Variants in OR9Q1 observed in about 807,000 individuals in gnomAD.
OR9Q1 encodes olfactory receptor family 9 subfamily Q member 1, also known as olfactory receptor 9Q1.
For synonymous variants in OR9Q1, 153 were observed against 148.6 expected, an observed-to-expected ratio of 1.03 and a Z score of -0.22; for missense variants, 374 against 378.8, an observed-to-expected ratio of 0.99 and a Z score of 0.11.
At chr11:58,076,049 C>A (rs1853536161) in intron 2 of OR9Q1, among the ~76,000 whole-genome samples, 1 of 152,192 alleles carries the variant, frequency 6.6e-6, no homozygotes, top group Non-Finnish European at 1.5e-5. Context: ...TGCTTTCTCA[C>A]TAGAATGGCA....
chr11:58,031,644 AC>A (rs1853040652), intron 1 of OR9Q1: 3 of 1,613,688 alleles, frequency 1.9e-6, no homozygotes, highest in Non-Finnish European at 2.5e-6. Flanking sequence ...ACACTGCTGC[AC>A]ATCCGCTCAG....
At chr11:58,141,410 T>G (rs1386189723) in intron 2 of OR9Q1, among the ~76,000 whole-genome samples, 6 of 152,210 alleles carry the variant, frequency 3.9e-5, no homozygotes, top group Admixed American at 3.3e-4. Flanking sequence ...CCTAATTTAT[T>G]GAGAGGTTTT....
chr11:58,031,265 C>G (rs1264534083), intron 1 of OR9Q1: 8 of 1,614,022 alleles, frequency 5.0e-6, no homozygotes, highest in Admixed American at 1.7e-5. Context: ...CCTATCCCAG[C>G]TCTTCATCTT....
chr11:58,053,612 AATAT>A (rs138801860), intron 1 of OR9Q1, among the ~76,000 whole-genome samples: 3 of 94,756 alleles, frequency 3.2e-5, no homozygotes, highest in East Asian at 6.8e-4. Context: ...AAAATTAAAA[AATAT>A]ATATATATAT....
chr11:58,149,054 T>C (rs1854326209), intron 2 of OR9Q1, among the ~76,000 whole-genome samples: 1 of 152,162 alleles, frequency 6.6e-6, no homozygotes, highest in African/African-American at 2.4e-5. Flanking sequence ...ATTTAAAACA[T>C]AATAGTGAAA....
At chr11:58,154,104 AGGAAGGAGGAGGG>A (rs1339083568) in intron 2 of OR9Q1, among the ~76,000 whole-genome samples, 2 of 150,536 alleles carry the variant, frequency 1.3e-5, no homozygotes, top group Non-Finnish European at 3.0e-5. Context: ...GAAGGGGAGG[AGGAAGGAGGAGGG>A]GGAAGGAGGA....
At chr11:58,059,118 C>T (rs1123306) in intron 2 of OR9Q1, among the ~76,000 whole-genome samples, 101,402 of 151,968 alleles carry the variant, frequency 0.67, 34,259 homozygotes, top group Middle Eastern at 0.79. Context: ...CCAGGTCCTT[C>T]GAAAGCCTGT....
At chr11:58,143,828 G>A (rs1441000087) in intron 2 of OR9Q1, among the ~76,000 whole-genome samples, 6 of 151,850 alleles carry the variant, frequency 4.0e-5, no homozygotes, top group Non-Finnish European at 1.5e-5. Flanking sequence ...TAACAAGCTG[G>A]CACATCCTGC....
At chr11:58,031,549 G>C in intron 1 of OR9Q1, 2 of 1,614,072 alleles carry the variant, frequency 1.2e-6, no homozygotes, top group Middle Eastern at 3.3e-4. Context: ...TCACTTGGAA[G>C]GAGACTGTGG....
chr11:58,063,394 A>G (rs1423174154), intron 2 of OR9Q1, among the ~76,000 whole-genome samples: 1 of 152,164 alleles, frequency 6.6e-6, no homozygotes. Flanking sequence ...TAAGCCAGGC[A>G]TTTTTCTAAA....
At chr11:58,068,952 C>T (rs1853460872) in intron 2 of OR9Q1, among the ~76,000 whole-genome samples, 1 of 152,094 alleles carries the variant, frequency 6.6e-6, no homozygotes, top group Admixed American at 6.6e-5. Context: ...CATGCCAGCC[C>T]CGAGAACATG....
intron 2 of OR9Q1, among the ~76,000 whole-genome samples, chr11:58,150,200 A>G (rs1854337032): frequency 6.6e-6 from 1 of 152,184 alleles, no homozygotes; most frequent in South Asian, 2.1e-4. Context: ...GAATTGCATT[A>G]CCTAATTACT....
intron 2 of OR9Q1, among the ~76,000 whole-genome samples, chr11:58,092,800 T>G (rs1227046678): frequency 2.6e-5 from 4 of 152,200 alleles, no homozygotes; most frequent in East Asian, 1.9e-4. Flanking sequence ...TAAAGATTTC[T>G]AACTGATTTT....
intron 2 of OR9Q1, among the ~76,000 whole-genome samples, chr11:58,124,182 G>A (rs1291423479): frequency 6.6e-6 from 1 of 152,074 alleles, no homozygotes; most frequent in Non-Finnish European, 1.5e-5. Context: ...GCTTGGGTGA[G>A]GCCAAGAGTA....
At chr11:58,031,993 T>A in intron 1 of OR9Q1, 1 of 717,000 alleles carries the variant, frequency 1.4e-6, no homozygotes, top group Non-Finnish European at 2.3e-6. Flanking sequence ...AAATCAAGAA[T>A]GCAGTTCCAT....
intron 1 of OR9Q1, among the ~76,000 whole-genome samples, chr11:58,024,983 C>T (rs981503847): frequency 6.6e-6 from 1 of 152,158 alleles, no homozygotes; most frequent in African/African-American, 2.4e-5. Context: ...CTTCTCTGTG[C>T]CATGTAGTTC....
rs756411128 is a variant in OR9Q1, at chr11:58,118,936, T to C, written c.-14-60495T>C. 11 of 1,613,880 alleles carry C rather than the reference T, an allele frequency of 6.8e-6. No individual in the cohort carries two copies. In the South Asian group the frequency reaches 1.2e-4, roughly 18 times the overall value. On this transcript the variant is annotated intron_variant, in intron 2 of 2. Coordinates refer to ENST00000335397, the MANE Select transcript of OR9Q1 (RefSeq NM_001005212.4). ...GAAGAAGAAGTTTATTTGATTGTCC[T>C]TACAGAAGGAGAGGGTGAAGGTGCA...
chr11:58,058,144 C>T (rs1853345020), intron 2 of OR9Q1, among the ~76,000 whole-genome samples: 1 of 152,216 alleles, frequency 6.6e-6, no homozygotes, highest in Non-Finnish European at 1.5e-5. Context: ...GAAAGCCTGG[C>T]TTCCCATGCA....
At chr11:58,120,504 C>T (rs1854018550) in intron 2 of OR9Q1, among the ~76,000 whole-genome samples, 1 of 151,462 alleles carries the variant, frequency 6.6e-6, no homozygotes, top group Non-Finnish European at 1.5e-5. Context: ...ATATTTGGTT[C>T]ATGAATGAGT....
Sources: allele counts gnomAD v4.1 joint callset (sites outside exome capture counted in the v4.1 genomes callset), GRCh38; gene constraint gnomAD v4.1.1; transcripts MANE v1.5; gene names NCBI Gene and HGNC (gene_info 2026-07-23, HGNC 2026-07-21).